Variants in PBX1 observed in about 807,000 individuals in gnomAD.
PBX1 encodes the protein pre-B-cell leukemia transcription factor 1.
PBX1 carries 6 observed loss-of-function variants against 53.4 expected under a neutral mutation model. That is an observed-to-expected ratio of 0.11 (90% CI 0.06 to 0.22). PBX1 has a LOEUF of 0.22. Among genes scored for constraint, PBX1 ranks in the 10% least tolerant of loss-of-function variants. PBX1 has a pLI of 1.00. For synonymous variants in PBX1, 204 were observed against 212.3 expected, an observed-to-expected ratio of 0.96 and a Z score of 0.34; for missense variants, 251 against 551.4, an observed-to-expected ratio of 0.46 and a Z score of 5.46.
At chr1:164,612,690 A>G (rs975264085) in intron 2 of PBX1, among the ~76,000 whole-genome samples, 1 of 152,168 alleles carries the variant, frequency 6.6e-6, no homozygotes, top group Non-Finnish European at 1.5e-5. Flanking sequence ...CAGCTGGAGC[A>G]CTGCCCTAGG....
In PBX1 at chr1:164,712,277, G is replaced by A. The variant is rs16834023; in HGVS notation, c.266-80217G>A. Among the ~76,000 whole-genome samples the A allele has an allele frequency of 8.5e-3, 1,289 of 151,734 alleles. 22 individuals are homozygous for A. The highest frequency in any genetic ancestry group is 0.029 in the African/African-American group (1,219 of 41,390). ...TCGTTACAATTAAAATGAAGTGTCC[G>A]TCAGCGGCTATCTTCTCTGTGTGGC... On this transcript the variant is annotated intron_variant, in intron 2 of 8. Coordinates refer to ENST00000420696, the MANE Select transcript of PBX1 (RefSeq NM_002585.4).
chr1:164,612,049 C>A (rs1393943040), intron 2 of PBX1, among the ~76,000 whole-genome samples: 1 of 152,068 alleles, frequency 6.6e-6, no homozygotes, highest in African/African-American at 2.4e-5. Context: ...ATTTTTTGCC[C>A]CAGGTCAGAA....
intron 2 of PBX1, among the ~76,000 whole-genome samples, chr1:164,631,589 C>T (rs191338077): frequency 2.0e-5 from 3 of 152,228 alleles, no homozygotes; most frequent in South Asian, 2.1e-4. Context: ...GCTTAGCCTC[C>T]GGGCATATTT....
chr1:164,709,172 A>G (rs887738235), intron 2 of PBX1, among the ~76,000 whole-genome samples: 4 of 152,162 alleles, frequency 2.6e-5, no homozygotes, highest in Non-Finnish European at 5.9e-5. Flanking sequence ...ACTTTTGTCT[A>G]TCTGCTACTC....
In PBX1 at chr1:164,744,758, G is replaced by T. The variant is rs75009192; in HGVS notation, c.266-47736G>T. Among the ~76,000 whole-genome samples the T allele has an allele frequency of 5.1e-3, 778 of 152,220 alleles. 9 individuals carry two copies. The highest frequency in any genetic ancestry group is 0.018 in the African/African-American group (730 of 41,530). On this transcript the variant is annotated intron_variant, in intron 2 of 8. Transcript: ENST00000420696. ...CTGCTCTTAGAGAGTTGTTGATCAG[G>T]AGGTAGCAGATAGGTAGGTAATCTG...
At chr1:164,798,772 T>C (rs184306498) in intron 3 of PBX1, among the ~76,000 whole-genome samples, 1 of 152,250 alleles carries the variant, frequency 6.6e-6, no homozygotes, top group Non-Finnish European at 1.5e-5. Flanking sequence ...CATGTTTTGA[T>C]GCTGTTTCTG....
At chr1:164,720,115 A>G (rs1664323323) in intron 2 of PBX1, among the ~76,000 whole-genome samples, 1 of 152,218 alleles carries the variant, frequency 6.6e-6, no homozygotes, top group Non-Finnish European at 1.5e-5. Flanking sequence ...CCAGCCTCAC[A>G]TGGAAACTGG....
At chr1:164,644,900 C>T (rs1420233078) in intron 2 of PBX1, among the ~76,000 whole-genome samples, 1 of 152,210 alleles carries the variant, frequency 6.6e-6, no homozygotes, top group Admixed American at 6.5e-5. Context: ...GCTGCTCCTC[C>T]TCCAGTTTCT....
chr1:164,858,909 T>C (rs1253082365), intron 2 of PBX1, among the ~76,000 whole-genome samples: 2 of 152,176 alleles, frequency 1.3e-5, no homozygotes, highest in African/African-American at 4.8e-5. Flanking sequence ...CCTAGTGCTT[T>C]TTTTCTAGGC....
At chr1:164,810,456 C>CT (rs1185597552) in intron 5 of PBX1, among the ~76,000 whole-genome samples, 3 of 152,138 alleles carry the variant, frequency 2.0e-5, no homozygotes, top group African/African-American at 7.2e-5. Flanking sequence ...AACATGTCCC[C>CT]TCTTTACCCC....
At chr1:164,562,452 TACACACACACACACAC>T (rs6143458) in intron 1 of PBX1, among the ~76,000 whole-genome samples, 35 of 143,298 alleles carry the variant, frequency 2.4e-4, no homozygotes, top group East Asian at 2.3e-4. Context: ...GCATTCAGAA[TACACACACACACACAC>T]ACACACACAC....
intron 2 of PBX1, chr1:164,703,313 G>C (rs1663240697): frequency 6.6e-6 from 1 of 152,228 alleles, no homozygotes; most frequent in South Asian, 2.1e-4. Flanking sequence ...TCCATGCTGG[G>C]CTACAAAAAT....
intron 2 of PBX1, chr1:164,682,986 T>C (rs1327076876): frequency 2.0e-5 from 3 of 152,182 alleles, no homozygotes; most frequent in Non-Finnish European, 2.9e-5. Context: ...AGTTTTTTGA[T>C]GTGGAAAGCT....
intron 2 of PBX1, among the ~76,000 whole-genome samples, chr1:164,772,167 A>T (rs576477009): frequency 6.6e-6 from 1 of 152,234 alleles, no homozygotes; most frequent in Non-Finnish European, 1.5e-5. Context: ...TAGCAACAAC[A>T]CCTTGTAATT....
intron 2 of PBX1, among the ~76,000 whole-genome samples, chr1:164,719,791 G>A (rs771452636): frequency 5.3e-5 from 8 of 152,132 alleles, no homozygotes; most frequent in East Asian, 1.9e-4. Context: ...TAAAGTGTGC[G>A]TGTGTATACA....
At chr1:164,664,671 A>G (rs1279132516) in intron 2 of PBX1, among the ~76,000 whole-genome samples, 1 of 152,198 alleles carries the variant, frequency 6.6e-6, no homozygotes, top group Non-Finnish European at 1.5e-5. Flanking sequence ...GACAAATTCC[A>G]AAGGAAAGAG....
At chr1:164,621,358 TATCCCCAAC>T (rs1409497464) in intron 2 of PBX1, among the ~76,000 whole-genome samples, 2 of 152,240 alleles carry the variant, frequency 1.3e-5, no homozygotes, top group Admixed American at 1.3e-4. Context: ...CCTTTTCTTT[TATCCCCAAC>T]GGGGGCGAGA....
At chr1:164,580,736 T>A (rs184267988) in intron 2 of PBX1, among the ~76,000 whole-genome samples, 1 of 151,066 alleles carries the variant, frequency 6.6e-6, no homozygotes, top group Non-Finnish European at 1.5e-5. Flanking sequence ...GCCAACACAC[T>A]TGGCTAATTT....
intron 2 of PBX1, among the ~76,000 whole-genome samples, chr1:164,716,758 G>T (rs1204811599): frequency 8.1e-6 from 1 of 123,610 alleles, no homozygotes. Flanking sequence ...GAAAAAAAAA[G>T]AATCTATTAA....
Sources: gnomAD v4.1 joint callset for allele counts (sites outside exome capture counted in the v4.1 genomes callset) on GRCh38, gnomAD v4.1.1 for gene constraint, MANE v1.5 for transcripts, NCBI Gene and HGNC (gene_info 2026-07-23, HGNC 2026-07-21) for gene names.